The following GSE1 variants were observed in gnomAD, a reference collection of about 807,000 sequenced individuals.
The protein encoded by GSE1 is genetic suppressor element 1.
A neutral mutation model predicts 112.6 loss-of-function variants in GSE1; 32 were observed. That is an observed-to-expected ratio of 0.28 (90% CI 0.21 to 0.38). The LOEUF (loss-of-function observed/expected upper bound fraction) is 0.38. Ranked by LOEUF, GSE1 falls within the 10% of genes least tolerant of loss-of-function variation. The pLI, the probability that GSE1 is intolerant of heterozygous loss-of-function variation, is 1.00. For synonymous variants in GSE1, 1,115 were observed against 735.6 expected (o/e 1.52, Z -8.35); for missense variants, 2,348 against 1,699.2 (o/e 1.38, Z -6.71).
chr16:85,195,939 G>C (rs1245037161), intron 1 of GSE1, among the ~76,000 whole-genome samples: 1 of 152,164 alleles, frequency 6.6e-6, no homozygotes, highest in Non-Finnish European at 1.5e-5. Flanking sequence ...TCGGAAGTCA[G>C]GATTTTTCAG....
chr16:85,667,254 C>A (rs914659754), intron 13 of GSE1, among the ~76,000 whole-genome samples: 12 of 152,242 alleles, frequency 7.9e-5, no homozygotes, highest in African/African-American at 2.9e-4. Context: ...CTTGTCCTGG[C>A]CTTACACTAA....
At chr16:85,621,658 C>T (rs1035015211) in intron 1 of GSE1, among the ~76,000 whole-genome samples, 1 of 152,172 alleles carries the variant, frequency 6.6e-6, no homozygotes, top group African/African-American at 2.4e-5. Flanking sequence ...ACTCTGAATC[C>T]ACTAACAGCA....
intron 2 of GSE1, among the ~76,000 whole-genome samples, chr16:85,519,734 TCACCACCATCAGCATCAC>T (rs943067513): frequency 4.0e-5 from 3 of 75,318 alleles, no homozygotes; most frequent in Non-Finnish European, 5.5e-5. Flanking sequence ...ACCATCACCA[TCACCACCATCAGCATCAC>T]CATCACCACC....
chr16:85,502,593 G>A (rs1235372899), intron 2 of GSE1, among the ~76,000 whole-genome samples: 1 of 152,256 alleles, frequency 6.6e-6, no homozygotes, highest in South Asian at 2.1e-4. Context: ...TTCTTGGTCT[G>A]TGTCTGCCAT....
intron 2 of GSE1, among the ~76,000 whole-genome samples, chr16:85,496,084 C>T (rs1338796286): frequency 6.6e-6 from 1 of 152,188 alleles, no homozygotes; most frequent in Admixed American, 6.5e-5. Context: ...TCCATCCGAG[C>T]ACTCTGTATG....
At chr16:85,555,322 C>A, upstream of GSE1, 3 of 985,104 alleles carry the variant, frequency 3.0e-6, no homozygotes, top group Non-Finnish European at 3.6e-6. Flanking sequence ...CCCGCGAGTT[C>A]TTTCTCCTCC....
At position 85,666,119 on chromosome 16, in the gene GSE1, C is replaced by T. The variant is rs142618003; in HGVS notation, c.2902C>T (p.Pro968Ser). Reference sequence around the variant, plus strand: ...GCTGTCGAGAGTCCAGGAGCTAGCTCCTGCCAGCGGGGAGAAGGCCAGGCT... The same window carrying T: ...GCTGTCGAGAGTCCAGGAGCTAGCTTCTGCCAGCGGGGAGAAGGCCAGGCT... ...QELSRVQELA[P>S]ASGEKARLSE... Residue 968 changes from proline to serine, a missense_variant, in exon 13 of 16, where the codon CCT becomes TCT. Coordinates refer to ENST00000253458, the MANE Select transcript of GSE1 (RefSeq NM_014615.5). The T allele has an allele frequency of 3.1e-6, 5 of 1,613,148 alleles. No homozygotes were observed. In the African/African-American group the frequency reaches 5.3e-5, roughly 17 times the overall value.
chr16:85,224,535 C>CTCAT (rs1381575875), intron 1 of GSE1, among the ~76,000 whole-genome samples: 1 of 152,064 alleles, frequency 6.6e-6, no homozygotes, highest in African/African-American at 2.4e-5. Flanking sequence ...AGTATCCAGA[C>CTCAT]TCATTCATTC....
At chr16:85,292,336 T>TTG (rs2151441921) in intron 1 of GSE1, among the ~76,000 whole-genome samples, 1 of 150,256 alleles carries the variant, frequency 6.7e-6, no homozygotes, top group African/African-American at 2.4e-5. Flanking sequence ...TTGTTTTTTT[T>TTG]TTTTGTTTTC....
chr16:85,262,241 CA>C (rs1907772804), intron 1 of GSE1, among the ~76,000 whole-genome samples: 1 of 152,186 alleles, frequency 6.6e-6, no homozygotes, highest in Admixed American at 6.5e-5. Context: ...GTGTCAGAGG[CA>C]ATCTGCTTCC....
chr16:85,524,117 G>A (rs918417114), intron 2 of GSE1, among the ~76,000 whole-genome samples: 3 of 152,174 alleles, frequency 2.0e-5, no homozygotes, highest in East Asian at 1.9e-4. Context: ...TCTGGGGGCC[G>A]GTGGGGTGCA....
At chr16:85,462,624 A>T (rs1286587945) in intron 2 of GSE1, among the ~76,000 whole-genome samples, 1 of 147,772 alleles carries the variant, frequency 6.8e-6, no homozygotes, top group Non-Finnish European at 1.5e-5. Flanking sequence ...CAGTCTTGAC[A>T]AGCGCGTTAT....
intron 1 of GSE1, among the ~76,000 whole-genome samples, chr16:85,332,613 C>G (rs539126480): frequency 1.3e-5 from 2 of 152,284 alleles, no homozygotes; most frequent in East Asian, 1.9e-4. Context: ...CCGCACTGCT[C>G]TCTGCGGACC....
intron 1 of GSE1, among the ~76,000 whole-genome samples, chr16:85,590,854 A>G (rs2151432754): frequency 6.6e-6 from 1 of 152,248 alleles, no homozygotes; most frequent in East Asian, 1.9e-4. Flanking sequence ...TCCGTCCTGT[A>G]AAATGGGAAC....
At chr16:85,281,749 G>T (rs1311952839) in intron 1 of GSE1, among the ~76,000 whole-genome samples, 2 of 152,230 alleles carry the variant, frequency 1.3e-5, no homozygotes, top group Non-Finnish European at 2.9e-5. Context: ...GTGGTGTCCA[G>T]TGATGGGGTG....
rs564010706 is a variant in GSE1, at chr16:85,229,015, C to G, written c.2283+57208C>G. Among the ~76,000 whole-genome samples the G allele has an allele frequency of 1.7e-3, 256 of 152,366 alleles. 1 individual carries two copies. The highest frequency in any genetic ancestry group is 1.5e-3 in the Non-Finnish European group (101 of 68,034). On this transcript the variant is annotated intron_variant, in intron 1 of 2. Coordinates refer to the GSE1 transcript ENST00000637419. ...TCCTGCCTCACCAGATGGACGTCCA[C>G]GCTGGGCCCGTGGGAGGGTGCGACA...
chr16:85,630,965 G>C (rs980947432), intron 1 of GSE1, among the ~76,000 whole-genome samples: 2 of 152,328 alleles, frequency 1.3e-5, no homozygotes, highest in East Asian at 1.9e-4. Flanking sequence ...CTTGAGAGGT[G>C]CCCGACTGGT....
At chr16:85,308,518 C>G (rs1031665491) in intron 1 of GSE1, among the ~76,000 whole-genome samples, 1 of 152,124 alleles carries the variant, frequency 6.6e-6, no homozygotes, top group East Asian at 1.9e-4. Context: ...AAAACAAACT[C>G]CTCGGGGACT....
At chr16:85,474,300 G>C (rs1253574474) in intron 2 of GSE1, among the ~76,000 whole-genome samples, 1 of 152,112 alleles carries the variant, frequency 6.6e-6, no homozygotes, top group African/African-American at 2.4e-5. Flanking sequence ...ATGGGCTTCT[G>C]ATTGTCTTGT....
Sources: allele counts gnomAD v4.1 joint callset (sites outside exome capture counted in the v4.1 genomes callset), GRCh38; gene constraint gnomAD v4.1.1; transcripts MANE v1.5; gene names NCBI Gene and HGNC (gene_info 2026-07-23, HGNC 2026-07-21).